Variants in TRPM3 observed in about 807,000 individuals in gnomAD.
TRPM3 encodes long transient receptor potential channel 3.
A neutral mutation model predicts 181.2 loss-of-function variants in TRPM3; 77 were observed. The ratio of observed to expected loss-of-function variants is 0.42; its 90% CI spans 0.35 to 0.51. The LOEUF (loss-of-function observed/expected upper bound fraction) is 0.51. Among genes scored for constraint, TRPM3 ranks in the 20% least tolerant of loss-of-function variants. The pLI, the probability that TRPM3 is intolerant of heterozygous loss-of-function variation, is 0.01. For synonymous variants in TRPM3, 745 were observed against 796.4 expected (o/e 0.94, Z 1.09); for missense variants, 1,759 against 2,196.7 (o/e 0.80, Z 3.98).
chr9:71,361,043 G>A (rs1418089153), intron 1 of TRPM3, among the ~76,000 whole-genome samples: 3 of 152,138 alleles, frequency 2.0e-5, no homozygotes, highest in African/African-American at 7.2e-5. Context: ...CTGGAGTGCA[G>A]TGGCACAACC....
intron 9 of TRPM3, among the ~76,000 whole-genome samples, chr9:70,659,749 ATTTTTTCCT>A (rs2060855784): frequency 6.6e-6 from 1 of 152,092 alleles, no homozygotes; most frequent in Non-Finnish European, 1.5e-5. Flanking sequence ...TAATGTTAAT[ATTTTTTCCT>A]TTTTTTCCTC....
At chr9:70,833,118 CT>C (rs1564503493) in intron 5 of TRPM3, among the ~76,000 whole-genome samples, 1 of 152,166 alleles carries the variant, frequency 6.6e-6, no homozygotes, top group Non-Finnish European at 1.5e-5. Flanking sequence ...TTAAACAGTG[CT>C]TTTGCTCTTT....
At chr9:70,820,459 C>T (rs766920352) in intron 6 of TRPM3, among the ~76,000 whole-genome samples, 19 of 152,144 alleles carry the variant, frequency 1.2e-4, no homozygotes, top group Admixed American at 3.3e-4. Context: ...GAATTCCTGA[C>T]CTCAGGTGAT....
intron 1 of TRPM3, among the ~76,000 whole-genome samples, chr9:71,190,760 T>C (rs1016420323): frequency 1.3e-5 from 2 of 151,852 alleles, no homozygotes; most frequent in Non-Finnish European, 2.9e-5. Context: ...CTGAATGCCA[T>C]GTCCTCTGTT....
chr9:71,218,883 G>A (rs1372806872), intron 1 of TRPM3, among the ~76,000 whole-genome samples: 1 of 152,162 alleles, frequency 6.6e-6, no homozygotes, highest in Non-Finnish European at 1.5e-5. Flanking sequence ...AAATAGATAA[G>A]GCCAAAGTTA....
In TRPM3 at chr9:71,272,961, G is replaced by A. The variant is rs574244024; in HGVS notation, c.183+173692C>T. On this transcript the variant is annotated intron_variant, in intron 1 of 24. Transcript: ENST00000357533. ...ATGATCTCAGCTCACTGCAACCTTC[G>A]CCTCCCGGGTTCAAACGATTCTCCT... 8.0e-4 allele frequency among the ~76,000 whole-genome samples: 120 copies of A among 150,888 alleles called. 1 individual carries two copies. The highest frequency in any genetic ancestry group is 1.3e-3 in the Admixed American group (19 of 15,124).
At chr9:71,235,556 A>G (rs2081309977) in intron 1 of TRPM3, among the ~76,000 whole-genome samples, 1 of 152,230 alleles carries the variant, frequency 6.6e-6, no homozygotes, top group South Asian at 2.1e-4. Flanking sequence ...AACAGATAAC[A>G]ATTAAGATAG....
chr9:71,355,048 A>G (rs1360037922), intron 1 of TRPM3, among the ~76,000 whole-genome samples: 2 of 152,214 alleles, frequency 1.3e-5, no homozygotes, highest in Non-Finnish European at 2.9e-5. Flanking sequence ...TATGAAAAGA[A>G]GTGTCTCCGT....
intron 1 of TRPM3, among the ~76,000 whole-genome samples, chr9:71,074,112 T>C (rs749188781): frequency 1.3e-5 from 2 of 152,194 alleles, no homozygotes; most frequent in African/African-American, 2.4e-5. Context: ...GTTAACAATA[T>C]AATTCACCAG....
rs751547057 is a variant in TRPM3 at position 70,846,400 on chromosome 9, T to C, written c.654A>G (p.Ile218Met). ...TACCTGTGTTAACCCCTCCAGTGAA[T>C]ATCCACGCTCCAGTTGTCATTGCTG... ...IKAAMTTGAW[I>M]FTGGVNTGVI... The change falls in exon 4 of 26, where the codon ATA becomes ATG. Residue 218 changes from isoleucine (I) to methionine (M), a missense_variant. By Grantham distance (10) the Ile-to-Met change is conservative. This residue lies in a region of TRPM3 where 737 missense variants were observed against 957.4 expected (regional missense o/e 0.77). Transcript: ENST00000677713. 1 of 1,614,148 alleles carries C rather than the reference T, an allele frequency of 6.2e-7. No homozygotes were observed. The highest frequency in any genetic ancestry group is 8.5e-7 in the Non-Finnish European group (1 of 1,179,984).
chr9:70,644,380 G>A (rs1338167678), intron 9 of TRPM3, among the ~76,000 whole-genome samples: 1 of 152,134 alleles, frequency 6.6e-6, no homozygotes, highest in African/African-American at 2.4e-5. Context: ...CTAATTGGCT[G>A]GAGCAATCTG....
At position 70,534,477 on chromosome 9, in the gene TRPM3, G is replaced by T. The variant is rs964588141; in HGVS notation, c.*1476C>A. The T allele has an allele frequency of 6.6e-6, 1 of 152,070 alleles. No homozygotes were observed. Among genetic ancestry groups the T allele is most frequent in the Non-Finnish European group, 1.5e-5 (1 of 68,010 alleles). The allele number at this position is 152,070 out of a possible 1,614,324, so 9.4% of individuals were successfully genotyped here. A position where few individuals can be genotyped will look rare whatever the true frequency, so the allele number is the denominator to read the frequency against. ...AGAAAAGTCCAAGCCTCTTAAGAAA[G>T]CTCTTTATGTCCATTTATTTTATAT... On this transcript the variant is annotated 3_prime_UTR_variant, in exon 26 of 26. Transcript: ENST00000677713.
intron 1 of TRPM3, among the ~76,000 whole-genome samples, chr9:70,974,017 G>A (rs1392911223): frequency 1.3e-5 from 2 of 152,126 alleles, no homozygotes; most frequent in East Asian, 3.9e-4. Context: ...CTACATAAAT[G>A]AAAAGGAATT....
chr9:70,860,284 G>GT (rs1161652577), intron 3 of TRPM3, among the ~76,000 whole-genome samples: 5 of 152,186 alleles, frequency 3.3e-5, no homozygotes, highest in Non-Finnish European at 2.9e-5. Flanking sequence ...CAGTGAGAGA[G>GT]TGAAGGCTGA....
chr9:71,189,320 C>T (rs1403317092), intron 1 of TRPM3, among the ~76,000 whole-genome samples: 1 of 151,848 alleles, frequency 6.6e-6, no homozygotes, highest in African/African-American at 2.4e-5. Context: ...GTTTCAAACA[C>T]TGAGTGGTGG....
At chr9:70,876,415 T>G (rs2095870275) in intron 1 of TRPM3, among the ~76,000 whole-genome samples, 1 of 151,338 alleles carries the variant, frequency 6.6e-6, no homozygotes, top group African/African-American at 2.4e-5. Flanking sequence ...AGTATCACTA[T>G]ACATTATATG....
chr9:71,101,105 C>G (rs1405742992), intron 1 of TRPM3, among the ~76,000 whole-genome samples: 1 of 152,144 alleles, frequency 6.6e-6, no homozygotes, highest in East Asian at 1.9e-4. Flanking sequence ...ACTGCTTATT[C>G]TCTCGAAATA....
At chr9:71,360,942 A>T (rs1326275314) in intron 1 of TRPM3, among the ~76,000 whole-genome samples, 1 of 152,174 alleles carries the variant, frequency 6.6e-6, no homozygotes, top group Admixed American at 6.5e-5. Context: ...AGTTCATTAT[A>T]TTATTCTCTC....
rs866833945 is a variant in TRPM3, at chr9:70,843,673, C to T, written c.677-546G>A. ...ATTTATGTTAAAATATATAGACACA[C>T]CTTTTAATCTTCATCATTCTAATTA... On this transcript the variant is annotated intron_variant, in intron 4 of 25. Coordinates refer to ENST00000677713, the MANE Select transcript of TRPM3 (RefSeq NM_001366145.2). Among the ~76,000 whole-genome samples, 9 of 152,238 alleles carry T rather than the reference C, an allele frequency of 5.9e-5. 1 individual carries two copies. The South Asian group carries it at 1.2e-3, about 21-fold the overall frequency.
Sources: allele counts gnomAD v4.1 joint callset (sites outside exome capture counted in the v4.1 genomes callset), GRCh38; gene constraint gnomAD v4.1.1; regional missense constraint gnomAD v4.1.1; transcripts MANE v1.5; gene names NCBI Gene and HGNC (gene_info 2026-07-23, HGNC 2026-07-21).